The following CDH22 variants were observed in gnomAD, a reference collection of about 807,000 sequenced individuals.
CDH22 encodes cadherin 22.
In CDH22, 30 loss-of-function variants were observed where a neutral mutation model predicts 58.4. The ratio of observed to expected loss-of-function variants is 0.51; its 90% CI spans 0.38 to 0.70. The LOEUF is 0.70. Ranked by LOEUF, CDH22 falls within the 30% of genes least tolerant of loss-of-function variation. The probability of loss-of-function intolerance (pLI) is 0.00; values close to 1 mark genes in which losing one functional copy is unlikely to be tolerated. For synonymous variants in CDH22, 513 were observed against 558.2 expected (o/e 0.92, Z 1.14); for missense variants, 1,014 against 1,233.9 (o/e 0.82, Z 2.67).
rs2425861 is a variant in CDH22, at chr20:46,300,090, G to T, written c.-400+8165C>A. ...TGGGCAAGTTCCAGCCTCTCCCTGG[G>T]CCTCAGTTTCCCTTCTGTATCAAGG... On this transcript the variant is annotated intron_variant, in intron 1 of 11. Coordinates refer to ENST00000537909, the MANE Select transcript of CDH22 (RefSeq NM_021248.3). This position sits in a 1 kb window ranked among gnomAD's most constrained non-coding sequence, Gnocchi z 4.4. Among the ~76,000 whole-genome samples, 77,193 of 151,880 alleles carry T rather than the reference G, an allele frequency of 0.51. 20,411 individuals carry two copies. The highest frequency in any genetic ancestry group is 0.64 in the East Asian group (3,323 of 5,158).
chr20:46,257,174 T>G (rs1330840830), intron 1 of CDH22, among the ~76,000 whole-genome samples: 1 of 152,014 alleles, frequency 6.6e-6, no homozygotes, highest in African/African-American at 2.4e-5. Context: ...CTGGGTGTGC[T>G]GGCATGTGCC....
intron 8 of CDH22, among the ~76,000 whole-genome samples, chr20:46,194,735 T>A (rs543287749): frequency 1.3e-5 from 2 of 152,322 alleles, no homozygotes; most frequent in South Asian, 2.1e-4. Context: ...GCTATTATTA[T>A]TAATTATTTT....
chr20:46,262,106 C>T (rs1057264993), intron 1 of CDH22, among the ~76,000 whole-genome samples: 2 of 152,032 alleles, frequency 1.3e-5, no homozygotes, highest in African/African-American at 4.8e-5. Context: ...AAATGGGTGT[C>T]TACTCTTCGT....
chr20:46,283,842 C>T (rs958431937), intron 1 of CDH22, among the ~76,000 whole-genome samples: 1 of 152,026 alleles, frequency 6.6e-6, no homozygotes, highest in African/African-American at 2.4e-5. Context: ...GCACACACAC[C>T]ACACGCATAC....
rs985996363 is a variant in CDH22, at chr20:46,308,283, G to A, written c.-428C>T. The A allele has an allele frequency of 6.2e-6, 1 of 160,504 alleles. No individual in the cohort carries two copies. Among genetic ancestry groups the A allele is most frequent in the African/African-American group, 2.4e-5 (1 of 41,492 alleles). The allele number at this position is 160,504 out of a possible 1,614,324, so 9.9% of individuals were successfully genotyped here. A position where few individuals can be genotyped will look rare whatever the true frequency, so the allele number is the denominator to read the frequency against. ...GGGGAGCGGCCCGGGGCTCCCCCTAGTCCTGCCGCCTCGGGACGCTGCGTG... is the reference window on the plus strand; with the variant it reads ...GGGGAGCGGCCCGGGGCTCCCCCTAATCCTGCCGCCTCGGGACGCTGCGTG... On this transcript the variant is annotated 5_prime_UTR_variant, in exon 1 of 12. Coordinates refer to ENST00000537909, the MANE Select transcript of CDH22 (RefSeq NM_021248.3). This position sits in a 1 kb window ranked among gnomAD's most constrained non-coding sequence, Gnocchi z 4.3.
chr20:46,176,612 C>T (rs2085741313), intron 11 of CDH22, among the ~76,000 whole-genome samples: 1 of 152,262 alleles, frequency 6.6e-6, no homozygotes, highest in Admixed American at 6.5e-5. Context: ...CTCCTCCAAA[C>T]AGCTCCAGTG....
At chr20:46,289,526 T>G (rs2086591236) in intron 1 of CDH22, among the ~76,000 whole-genome samples, 1 of 152,226 alleles carries the variant, frequency 6.6e-6, no homozygotes, top group African/African-American at 2.4e-5. Flanking sequence ...TCTGTCTTCC[T>G]GTTTGTCTGC....
In CDH22 at chr20:46,174,883, C is replaced by G; in HGVS notation, c.2110G>C (p.Gly704Arg). 7.2e-7 allele frequency: 1 copy of G among 1,394,600 alleles called. No homozygotes were observed. The highest frequency in any genetic ancestry group is 9.3e-7 in the Non-Finnish European group (1 of 1,070,592). 86.4% of individuals were successfully genotyped at this position (1,394,600 alleles called of 1,614,324 possible). A position where few individuals can be genotyped will look rare whatever the true frequency, so the allele number is the denominator to read the frequency against. ...CCGCCCGCTCCCCCGCCCGCGCTGCCGCCCCCGTCGCCGCCCTTGAGCTCG... is the reference window on the plus strand; with the variant it reads ...CCGCCCGCTCCCCCGCCCGCGCTGCGGCCCCCGTCGCCGCCCTTGAGCTCG... Reference protein sequence around the residue: ...FGELKGGDGGGSAGGGAGGGS... With the variant: ...FGELKGGDGGRSAGGGAGGGS... The change falls in exon 12 of 12, where the codon GGC becomes CGC. Residue 704 changes from glycine (G) to arginine (R), a missense_variant. Physicochemically the swap from Gly to Arg is moderately radical, Grantham distance 125. Around this residue, in one of 2 missense-constraint regions of CDH22, gnomAD observed 208 missense variants for 195.2 expected, o/e 1.07. Transcript: ENST00000537909. The surrounding 1 kb of genome is among the most constrained non-coding windows in gnomAD (Gnocchi z 4.4).
chr20:46,213,730 G>A (rs1449758590), intron 5 of CDH22, among the ~76,000 whole-genome samples: 1 of 152,186 alleles, frequency 6.6e-6, no homozygotes, highest in Non-Finnish European at 1.5e-5. Context: ...TGATTTTGCT[G>A]TTGATGTTAA....
At chr20:46,204,562 G>A (rs2085986494) in intron 7 of CDH22, among the ~76,000 whole-genome samples, 1 of 152,132 alleles carries the variant, frequency 6.6e-6, no homozygotes, top group Admixed American at 6.5e-5. Context: ...TGTATCATGA[G>A]CTCTTCGAAT....
chr20:46,175,189 A>G, intron 11 of CDH22, 112 bp from the exon 12 acceptor site: 1 of 998,724 alleles, frequency 1.0e-6, no homozygotes, highest in Non-Finnish European at 1.4e-6. Flanking sequence ...GCCCAGCCTC[A>G]ACATTCCTAC....
In CDH22 at chr20:46,210,580, G is replaced by A. The variant is rs1247266814; in HGVS notation, c.1033-20C>T. On this transcript the variant is annotated intron_variant, in intron 6 of 11. Coordinates refer to ENST00000537909, the MANE Select transcript of CDH22 (RefSeq NM_021248.3). The surrounding 1 kb of genome is among the most constrained non-coding windows in gnomAD (Gnocchi z 4.5). ...CAGGCGCTGCGGGAGGGAGCAGAGG[G>A]CCGGTTAGTGGGTGGGGTCTGGTGG... 1 of 1,424,682 alleles carries A rather than the reference G, an allele frequency of 7.0e-7. No individual in the cohort carries two copies. Among genetic ancestry groups the A allele is most frequent in the South Asian group, 1.6e-5 (1 of 62,008 alleles). 88.3% of individuals were successfully genotyped at this position (1,424,682 alleles called of 1,614,324 possible).
chr20:46,198,237 C>T (rs922347369), intron 8 of CDH22, among the ~76,000 whole-genome samples: 4 of 151,696 alleles, frequency 2.6e-5, no homozygotes, highest in African/African-American at 7.3e-5. Flanking sequence ...ATGTCTCAGG[C>T]TCTCTCTCTT....
rs146371144 is a variant in CDH22 at position 46,256,329 on chromosome 20, T to A, written c.-399-4636A>T. Among the ~76,000 whole-genome samples, 7 of 152,262 alleles carry A rather than the reference T, an allele frequency of 4.6e-5. No individual in the cohort carries two copies. The East Asian group carries it at 1.4e-3, about 29-fold the overall frequency. On this transcript the variant is annotated intron_variant, in intron 1 of 11. Transcript: ENST00000537909. ...GATGGCGGGATTTGCTGTTTATCCATCTATCATCGTTATTACAAATACTCA... is the reference window on the plus strand; with the variant it reads ...GATGGCGGGATTTGCTGTTTATCCAACTATCATCGTTATTACAAATACTCA...
At chr20:46,262,466 C>G (rs2086438132) in intron 1 of CDH22, among the ~76,000 whole-genome samples, 1 of 152,150 alleles carries the variant, frequency 6.6e-6, no homozygotes, top group Non-Finnish European at 1.5e-5. Context: ...AAGCCTGGCT[C>G]AGTCTGGATG....
At chr20:46,249,672 C>T (rs929553975) in intron 2 of CDH22, among the ~76,000 whole-genome samples, 1 of 152,112 alleles carries the variant, frequency 6.6e-6, no homozygotes, top group Non-Finnish European at 1.5e-5. Context: ...CTTTCCCCAC[C>T]CACATTGCTG....
rs777931672 is a variant in CDH22 at position 46,186,940 on chromosome 20, A to G, written c.1431T>C (p.His477=). Residue 477 remains histidine (H), a synonymous_variant, in exon 9 of 12, where the codon CAT becomes CAC. Coordinates refer to ENST00000537909, the MANE Select transcript of CDH22 (RefSeq NM_021248.3). ...TTAGGGATGCCCGGGATAGCTGTGC[A>G]TGATTGTCTGTAATGAGAGCACAGG... ...ITVLAMEADN[H]AQLSRASLRI... 5.0e-6 allele frequency: 8 copies of G among 1,594,304 alleles called. No homozygotes were observed. The highest frequency in any genetic ancestry group is 6.8e-6 in the Non-Finnish European group (8 of 1,170,638).
chr20:46,216,946 G>A lies in CDH22; in HGVS notation c.718C>T (p.Arg240Cys), dbSNP rs1004210893. ...VPDLDRESQE[R>C]YEVVIQATDM... ...GTGGCCTGGATCACCACCTCGTAGC[G>A]CTCCTGGCTCTCGCGGTCAAGGTCA... Residue 240 changes from arginine to cysteine, a missense_variant, in exon 5 of 12, where the codon CGC becomes TGC. By Grantham distance (180) the Arg-to-Cys change is radical (BLOSUM62 -3). Coordinates refer to ENST00000537909, the MANE Select transcript of CDH22 (RefSeq NM_021248.3). The surrounding 1 kb of genome is among the most constrained non-coding windows in gnomAD (Gnocchi z 5.3). 12 of 1,605,990 alleles carry A rather than the reference G, an allele frequency of 7.5e-6. No individual in the cohort carries two copies. The highest frequency in any genetic ancestry group is 3.3e-5 in the Admixed American group (2 of 59,880).
intron 1 of CDH22, among the ~76,000 whole-genome samples, chr20:46,271,997 C>T (rs1209969983): frequency 1.3e-5 from 2 of 152,230 alleles, no homozygotes; most frequent in Non-Finnish European, 2.9e-5. Context: ...TGACTCTTCT[C>T]TGGGGTTTTC....
Sources: gnomAD v4.1 joint callset for allele counts (sites outside exome capture counted in the v4.1 genomes callset) on GRCh38, gnomAD v4.1.1 for gene constraint, gnomAD v4.1.1 regional missense constraint, Gnocchi (gnomAD v3.1) non-coding constraint, MANE v1.5 for transcripts, NCBI Gene and HGNC (gene_info 2026-07-23, HGNC 2026-07-21) for gene names.